Variants in ANP32E observed in about 807,000 individuals in gnomAD.
The protein encoded by ANP32E is acidic nuclear phosphoprotein 32 family member E.
A neutral mutation model predicts 35.3 loss-of-function variants in ANP32E; 14 were observed. The ratio of observed to expected loss-of-function variants is 0.40; its 90% confidence interval spans 0.26 to 0.62. ANP32E has a LOEUF of 0.62. ANP32E is among the 20% of genes least tolerant of loss of function. ANP32E has a pLI of 0.45. For synonymous variants in ANP32E, 89 were observed against 110.4 expected (o/e 0.81, Z 1.22); for missense variants, 198 against 304.4 (o/e 0.65, Z 2.60).
At chr1:150,228,494 A>C (rs782412702) in intron 4 of ANP32E, among the ~76,000 whole-genome samples, 1 of 152,214 alleles carries the variant, frequency 6.6e-6, no homozygotes, top group African/African-American at 2.4e-5. Flanking sequence ...GTTCGAGACC[A>C]GCCTGACCAA....
At chr1:150,231,317 G>A (rs1003768286) in intron 2 of ANP32E, among the ~76,000 whole-genome samples, 8 of 152,082 alleles carry the variant, frequency 5.3e-5, no homozygotes, top group South Asian at 2.1e-4. Flanking sequence ...TTTCTAGACC[G>A]GGCACAGAGG....
intron 3 of ANP32E, 113 bp downstream of exon 3, chr1:150,230,458 A>T (rs1649267735): frequency 2.8e-6 from 3 of 1,073,590 alleles, no homozygotes; most frequent in South Asian, 2.3e-5. Flanking sequence ...CTAGATCACA[A>T]CATACAAAAA....
intron 5 of ANP32E, among the ~76,000 whole-genome samples, chr1:150,224,522 C>T (rs892871909): frequency 2.0e-5 from 3 of 151,738 alleles, no homozygotes; most frequent in African/African-American, 4.8e-5. Context: ...AGCAGTGAAC[C>T]GAGATCGCAC....
At chr1:150,233,504 C>T (rs1031038954) in intron 1 of ANP32E, among the ~76,000 whole-genome samples, 3 of 152,170 alleles carry the variant, frequency 2.0e-5, no homozygotes, top group Non-Finnish European at 4.4e-5. Context: ...TGTTACTTCT[C>T]CCTACCACTC....
Position 150,226,689 on chromosome 1 carries a change from T to G in ANP32E, c.600A>C (p.Glu200Asp). 1 of 1,594,048 alleles carries G rather than the reference T, an allele frequency of 6.3e-7. No individual in the cohort carries two copies. The highest frequency in any genetic ancestry group is 8.6e-7 in the Non-Finnish European group (1 of 1,165,502). ...ACTCTGAACCTGCTTCATCTTCATC[T>G]TCATCCTCATCCTCATCCTCCTCTT... is the stretch of plus-strand genomic sequence containing the variant. ...EEEEEDEDEDEDEDEAGSELG... is the reference protein window; with the variant it reads ...EEEEEDEDEDDDEDEAGSELG... The change falls in exon 5 of 7, where the codon GAA (glutamate) becomes GAC (aspartate). Residue 200 changes from glutamate (E) to aspartate (D), a missense_variant. By Grantham distance (45) the Glu-to-Asp change is conservative. Transcript: ENST00000583931.
chr1:150,228,222 C>T (rs1649037601), intron 4 of ANP32E, among the ~76,000 whole-genome samples: 1 of 152,064 alleles, frequency 6.6e-6, no homozygotes, highest in Non-Finnish European at 1.5e-5. Context: ...AATTCTGCCT[C>T]GGCTTCCCAT....
intron 5 of ANP32E, among the ~76,000 whole-genome samples, chr1:150,224,234 G>A (rs1264690122): frequency 6.6e-6 from 1 of 152,126 alleles, no homozygotes; most frequent in Non-Finnish European, 1.5e-5. Context: ...AAGAAAAAAA[G>A]GGGAAGACTG....
chr1:150,219,828 G>A lies in ANP32E; in HGVS notation c.*863C>T, dbSNP rs1387696316. 1.3e-5 allele frequency: 2 copies of A among 152,118 alleles called. No individual in the cohort carries two copies. The highest frequency in any genetic ancestry group is 2.4e-5 in the African/African-American group (1 of 41,430). The allele number at this position is 152,118 out of a possible 1,614,324, so 9.4% of individuals were successfully genotyped here. A position where few individuals can be genotyped will look rare whatever the true frequency, so the allele number is the denominator to read the frequency against. ...GGACTGAAAGGTAGTTGAGGTATAA[G>A]ACTAAAGGTTTTCCTGGGTTTCACA... On this transcript the variant is annotated 3_prime_UTR_variant, in exon 7 of 7. Coordinates refer to ENST00000583931, the MANE Select transcript of ANP32E (RefSeq NM_030920.5).
rs1553842877 is a variant in ANP32E, at chr1:150,235,008, A to G, written c.54+725T>C. On this transcript the variant is annotated intron_variant, in intron 1 of 6. Coordinates refer to ENST00000583931, the MANE Select transcript of ANP32E (RefSeq NM_030920.5). This position sits in a 1 kb window ranked among gnomAD's most constrained non-coding sequence, Gnocchi z 4.2. ...TCAAATTCAGAGTTGCGGCCACACGACGTGCCACATATCGTTACACGGCGG... is the reference window on the plus strand; with the variant it reads ...TCAAATTCAGAGTTGCGGCCACACGGCGTGCCACATATCGTTACACGGCGG... 6.6e-6 allele frequency among the ~76,000 whole-genome samples: 1 copy of G among 152,212 alleles called. No individual in the cohort carries two copies. The highest frequency in any genetic ancestry group is 1.5e-5 in the Non-Finnish European group (1 of 68,040).
chr1:150,232,188 C>A (rs1007498299), intron 1 of ANP32E, among the ~76,000 whole-genome samples: 15 of 150,652 alleles, frequency 1.0e-4, no homozygotes, highest in African/African-American at 3.6e-4. Flanking sequence ...ACTAAAAATA[C>A]AAAAAATTAG....
intron 5 of ANP32E, 31 bp downstream of exon 5, chr1:150,226,577 T>C: frequency 6.2e-7 from 1 of 1,604,592 alleles, no homozygotes; most frequent in Non-Finnish European, 8.5e-7. Flanking sequence ...TAGAAATTAA[T>C]TTTCAGTGCA....
In ANP32E at chr1:150,219,479, T is replaced by G. The variant is rs1317929574; in HGVS notation, c.*1212A>C. On this transcript the variant is annotated 3_prime_UTR_variant, in exon 7 of 7. Coordinates refer to ENST00000583931, the MANE Select transcript of ANP32E (RefSeq NM_030920.5). ...ATATTCCAATTAAATGCTATTATTA[T>G]ATCTGTTTTAAAACTGGGAATTAAA... 6.6e-6 allele frequency: 1 copy of G among 152,216 alleles called. No homozygotes were observed. The highest frequency in any genetic ancestry group is 1.5e-5 in the Non-Finnish European group (1 of 68,034). The allele number at this position is 152,216 out of a possible 1,614,324, so 9.4% of individuals were successfully genotyped here. A position where few individuals can be genotyped will look rare whatever the true frequency, so the allele number is the denominator to read the frequency against.
At chr1:150,233,010 A>T (rs1553842263) in intron 1 of ANP32E, among the ~76,000 whole-genome samples, 4 of 151,704 alleles carry the variant, frequency 2.6e-5, no homozygotes, top group South Asian at 4.2e-4. Context: ...CACGCCTGTA[A>T]TCCCAGCACT....
rs111864498 is a variant in ANP32E, at chr1:150,228,953, T to TC, written c.493+118_493+119insG. 2.0e-4 allele frequency: 168 copies of TC among 826,490 alleles called. 4 individuals are homozygous for TC. Among genetic ancestry groups the TC allele is most frequent in the African/African-American group, 1.6e-3 (93 of 56,546 alleles). The allele number at this position is 826,490 out of a possible 1,614,324, so 51.2% of individuals were successfully genotyped here. On this transcript the variant is annotated intron_variant, in intron 4 of 6. Coordinates refer to ENST00000583931, the MANE Select transcript of ANP32E (RefSeq NM_030920.5). ...ATGGGTTTTTAATTTTTTCTTGTCT[T>TC]ACTAATATCTTGTTGTGGATTTTTT...
chr1:150,231,092 C>A (rs1649314240), intron 2 of ANP32E, among the ~76,000 whole-genome samples: 1 of 152,160 alleles, frequency 6.6e-6, no homozygotes, highest in South Asian at 2.1e-4. Context: ...AACTGTCATT[C>A]TCTCTGGCTT....
At chr1:150,225,527 C>T (rs1023073964) in intron 5 of ANP32E, among the ~76,000 whole-genome samples, 1 of 151,682 alleles carries the variant, frequency 6.6e-6, no homozygotes, top group African/African-American at 2.4e-5. Flanking sequence ...AAAAATTAAC[C>T]AGGCGTGGTG....
At chr1:150,231,987 C>T (rs1167739836) in intron 1 of ANP32E, 61 bp from the exon 2 acceptor site, 2 of 1,514,428 alleles carry the variant, frequency 1.3e-6, no homozygotes, top group East Asian at 4.7e-5. Context: ...AGGTAGAGAC[C>T]TGGGTCTTGA....
chr1:150,227,448 C>A (rs886744863), intron 4 of ANP32E, among the ~76,000 whole-genome samples: 1 of 152,056 alleles, frequency 6.6e-6, no homozygotes, highest in Non-Finnish European at 1.5e-5. Context: ...TCCTTTGCAG[C>A]AACATAGATG....
chr1:150,229,152 A>C lies in ANP32E; in HGVS notation c.413T>G (p.Leu138Arg), dbSNP rs1400643245. The part of the protein sequence containing the change: ...LEDYRESIFE[L>R]LQQITYLDGF... ...ATCTAAGTATGTGATTTGCTGCAGT[A>C]GTTCAAAAATACTTTCTCTATAATC... The change falls in exon 4 of 7, where the codon CTA (leucine) becomes CGA (arginine). Residue 138 changes from leucine to arginine, a missense_variant. Leu to Arg is a moderately radical substitution (Grantham distance 102, BLOSUM62 -2). Transcript: ENST00000583931. The C allele has an allele frequency of 7.4e-6, 12 of 1,613,038 alleles. No homozygotes were observed. The highest frequency in any genetic ancestry group is 3.3e-5 in the Admixed American group (2 of 59,978).
Sources: allele counts gnomAD v4.1 joint callset (sites outside exome capture counted in the v4.1 genomes callset), GRCh38; gene constraint gnomAD v4.1.1; non-coding constraint Gnocchi (gnomAD v3.1); transcripts MANE v1.5; gene names NCBI Gene and HGNC (gene_info 2026-07-23, HGNC 2026-07-21).